MBD5: variants seen among roughly 807,000 people sequenced by gnomAD.
The protein encoded by MBD5 is methyl-CpG binding domain protein 5.
In MBD5, 13 loss-of-function variants were observed where a neutral mutation model predicts 117.3. The observed-to-expected ratio is 0.11, with a 90% confidence interval of 0.07 to 0.18. The LOEUF is 0.18. Among genes scored for constraint, MBD5 ranks in the 10% least tolerant of loss-of-function variants. The probability of loss-of-function intolerance (pLI) is 1.00; values close to 1 mark genes in which losing one functional copy is unlikely to be tolerated. For missense variants in MBD5, 1,879 were observed against 2,093.8 expected (o/e 0.90, Z 2.00); for synonymous variants, 727 against 766.4 (o/e 0.95, Z 0.85).
intron 3 of MBD5, among the ~76,000 whole-genome samples, chr2:148,311,566 GAAT>G (rs1381820434): frequency 6.6e-6 from 1 of 152,122 alleles, no homozygotes; most frequent in Non-Finnish European, 1.5e-5. Flanking sequence ...TGGGTCTCCT[GAAT>G]ACAGCACACT....
chr2:148,449,362 G>C (rs1455137930), intron 4 of MBD5, among the ~76,000 whole-genome samples: 2 of 151,936 alleles, frequency 1.3e-5, no homozygotes, highest in African/African-American at 4.8e-5. Context: ...CAATCTTGTA[G>C]GATGTCAAGG....
chr2:148,468,242 C>T (rs535020733), intron 7 of MBD5, 99 bp from the exon 8 acceptor site: 21 of 955,154 alleles, frequency 2.2e-5, no homozygotes, highest in Non-Finnish European at 3.1e-5. Context: ...AGATGCCCAT[C>T]CTCCCTCTCC....
intron 4 of MBD5, among the ~76,000 whole-genome samples, chr2:148,408,259 C>T (rs1208594074): frequency 1.3e-5 from 2 of 152,060 alleles, no homozygotes; most frequent in Non-Finnish European, 2.9e-5. Context: ...ATTGATTTGC[C>T]CAGAGATAAA....
intron 2 of MBD5, among the ~76,000 whole-genome samples, chr2:148,197,051 C>G (rs564947192): frequency 2.9e-4 from 44 of 152,264 alleles, no homozygotes; most frequent in South Asian, 1.9e-3. Context: ...ACTCTCCCAT[C>G]AAGAGGTAGA....
intron 3 of MBD5, among the ~76,000 whole-genome samples, chr2:148,306,076 ATC>A (rs892071425): frequency 6.6e-6 from 1 of 152,198 alleles, no homozygotes; most frequent in Non-Finnish European, 1.5e-5. Flanking sequence ...TTCATAAGGA[ATC>A]TCAGATTAAA....
At chr2:148,294,509 T>TTTTTTTGTTTTTTTTTTTTTTTGTTTG (rs1701598066) in intron 3 of MBD5, among the ~76,000 whole-genome samples, 8 of 129,982 alleles carry the variant, frequency 6.2e-5, no homozygotes, top group Non-Finnish European at 1.2e-4. Flanking sequence ...CAGTTTTTTT[T>TTTTTTTGTTTTTTTTTTTTTTTGTTTG]TTTTTTTTTT....
intron 1 of MBD5, among the ~76,000 whole-genome samples, chr2:148,139,216 T>G (rs908735827): frequency 1.3e-5 from 2 of 151,908 alleles, no homozygotes; most frequent in Non-Finnish European, 2.9e-5. Flanking sequence ...TTTTTAACCT[T>G]TTTTTTTGAA....
At chr2:148,207,532 G>T (rs948115394) in intron 2 of MBD5, among the ~76,000 whole-genome samples, 1 of 151,894 alleles carries the variant, frequency 6.6e-6, no homozygotes, top group East Asian at 1.9e-4. Context: ...TGTCCCCTCA[G>T]TCCATAACAG....
At position 148,469,079 on chromosome 2, in the gene MBD5, C is replaced by A. The variant is rs746844751; in HGVS notation, c.1136C>A (p.Thr379Asn). ...CAGAACCCTGTTATCATTAATCCAA[C>A]CAGTTTCCATTCAAATGTCCACTCT... ...VNQNPVIINP[T>N]SFHSNVHSQV... Residue 379 changes from threonine (T) to asparagine (N), a missense_variant, in exon 8 of 14, where the codon ACC becomes AAC. Around this residue, in one of 4 missense-constraint regions of MBD5, gnomAD observed 1,666 missense variants for 1,792.2 expected, o/e 0.93. Transcript: ENST00000642680. 5.6e-6 allele frequency: 9 copies of A among 1,614,040 alleles called. No homozygotes were observed. The highest frequency in any genetic ancestry group is 6.8e-6 in the Non-Finnish European group (8 of 1,179,986).
At chr2:148,140,620 T>C (rs921917561) in intron 1 of MBD5, among the ~76,000 whole-genome samples, 4 of 152,194 alleles carry the variant, frequency 2.6e-5, no homozygotes, top group Non-Finnish European at 5.9e-5. Flanking sequence ...ATCTAAAACT[T>C]GAATTTTAAA....
chr2:148,096,403 A>C (rs553615045), intron 1 of MBD5, among the ~76,000 whole-genome samples: 1 of 152,286 alleles, frequency 6.6e-6, no homozygotes, highest in East Asian at 1.9e-4. Context: ...CAATAACAAA[A>C]AATTATCCAG....
At chr2:148,057,560 A>C (rs1204831426) in intron 1 of MBD5, among the ~76,000 whole-genome samples, 1 of 151,782 alleles carries the variant, frequency 6.6e-6, no homozygotes, top group African/African-American at 2.4e-5. Flanking sequence ...CATTGTGGTC[A>C]TGGAATGTGG....
chr2:148,058,508 A>G (rs1166912093), intron 1 of MBD5, among the ~76,000 whole-genome samples: 2 of 151,694 alleles, frequency 1.3e-5, no homozygotes, highest in Non-Finnish European at 2.9e-5. Context: ...GGCTTTCCAG[A>G]TGGCTTTTAT....
chr2:148,513,024 G>A lies in MBD5; in HGVS notation c.*83G>A, dbSNP rs1682264903. On this transcript the variant is annotated 3_prime_UTR_variant, in exon 14 of 14. Coordinates refer to ENST00000642680, the MANE Select transcript of MBD5 (RefSeq NM_001378120.1). Reference sequence around the variant, plus strand: ...GTATATAGGTATTGATATAGCCACAGTTATATCAATATTTAGACTATGGCA... The same window carrying A: ...GTATATAGGTATTGATATAGCCACAATTATATCAATATTTAGACTATGGCA... 3.1e-5 allele frequency: 39 copies of A among 1,278,234 alleles called. No individual in the cohort carries two copies. The South Asian group carries it at 4.6e-4, about 15-fold the overall frequency. 79.2% of individuals were successfully genotyped at this position (1,278,234 alleles called of 1,614,324 possible). A position where few individuals can be genotyped will look rare whatever the true frequency, so the allele number is the denominator to read the frequency against.
At chr2:148,437,335 A>G (rs1361662845) in intron 4 of MBD5, among the ~76,000 whole-genome samples, 2 of 152,108 alleles carry the variant, frequency 1.3e-5, no homozygotes, top group Non-Finnish European at 2.9e-5. Flanking sequence ...TGGGTGCAAT[A>G]TTACATACCC....
At chr2:148,226,636 G>A (rs1299064304) in intron 2 of MBD5, among the ~76,000 whole-genome samples, 3 of 152,262 alleles carry the variant, frequency 2.0e-5, no homozygotes, top group African/African-American at 7.2e-5. Flanking sequence ...CCAGTAATGG[G>A]ATGGCTGGGT....
intron 1 of MBD5, among the ~76,000 whole-genome samples, chr2:148,162,683 G>A (rs1429779722): frequency 2.0e-5 from 3 of 151,966 alleles, no homozygotes; most frequent in African/African-American, 7.3e-5. Context: ...ACAACTTTTA[G>A]TAAAATCAAT....
chr2:148,274,066 T>G (rs1415477822), intron 3 of MBD5, among the ~76,000 whole-genome samples: 1 of 152,152 alleles, frequency 6.6e-6, no homozygotes, highest in African/African-American at 2.4e-5. Flanking sequence ...CTAGTTCTCA[T>G]TTGGAAGTTT....
chr2:148,432,927 A>G lies in MBD5; in HGVS notation c.-556-25276A>G, dbSNP rs1574418408. Among the ~76,000 whole-genome samples, 4 of 152,310 alleles carry G rather than the reference A, an allele frequency of 2.6e-5. No individual in the cohort carries two copies. The South Asian group carries it at 8.3e-4, about 32-fold the overall frequency. ...GAATGTCATTGGTAGTTTCATAGGAATAGCATTAAATCTGTAAATTGTTTT... is the reference window on the plus strand; with the variant it reads ...GAATGTCATTGGTAGTTTCATAGGAGTAGCATTAAATCTGTAAATTGTTTT... On this transcript the variant is annotated intron_variant, in intron 4 of 13. Coordinates refer to ENST00000642680, the MANE Select transcript of MBD5 (RefSeq NM_001378120.1).
Sources: allele counts gnomAD v4.1 joint callset (sites outside exome capture counted in the v4.1 genomes callset), GRCh38; gene constraint gnomAD v4.1.1; regional missense constraint gnomAD v4.1.1; transcripts MANE v1.5; gene names NCBI Gene and HGNC (gene_info 2026-07-23, HGNC 2026-07-21).